The following SUMF1 variants were observed in gnomAD, a reference collection of about 807,000 sequenced individuals.
SUMF1 encodes formylglycine-generating enzyme.
In SUMF1, 48 loss-of-function variants were observed where a neutral mutation model predicts 47.6. That is an observed-to-expected ratio of 1.01 (90% CI 0.80 to 1.28). The LOEUF (loss-of-function observed/expected upper bound fraction) is 1.28, where lower values mean the gene tolerates loss of function less well. Ranked by LOEUF, SUMF1 falls within the 50% of genes most tolerant of loss-of-function variation. SUMF1 has a pLI of 0.00. For synonymous variants in SUMF1, 230 were observed against 192.1 expected (o/e 1.20, Z -1.63); for missense variants, 571 against 485.4 (o/e 1.18, Z -1.66).
rs367872667 is a variant in SUMF1, at chr3:4,267,231, T to G, written c.1014+109099A>C. Among the ~76,000 whole-genome samples, 140 of 152,318 alleles carry G rather than the reference T, an allele frequency of 9.2e-4. 1 individual carries two copies. Among genetic ancestry groups the G allele is most frequent in the Admixed American group, 5.4e-3 (82 of 15,308 alleles). ...CCCGGCTTTGGTATCAGAATGATGCTGGCCTCATAAAATGAGTTAGGGAGG... is the reference window on the plus strand; with the variant it reads ...CCCGGCTTTGGTATCAGAATGATGCGGGCCTCATAAAATGAGTTAGGGAGG... On this transcript the variant is annotated intron_variant and NMD_transcript_variant, in intron 8 of 12. Transcript: ENST00000448413.
chr3:4,235,032 G>C (rs559497639), intron 8 of SUMF1, among the ~76,000 whole-genome samples: 1 of 152,104 alleles, frequency 6.6e-6, no homozygotes, highest in African/African-American at 2.4e-5. Context: ...GCTGCAGTTG[G>C]GTGAATAAAT....
chr3:4,222,935 C>T (rs184465799), intron 8 of SUMF1, among the ~76,000 whole-genome samples: 10 of 152,170 alleles, frequency 6.6e-5, no homozygotes, highest in Non-Finnish European at 1.3e-4. Context: ...AGAGTGGTTT[C>T]TTCCACTGCA....
At chr3:4,396,826 A>C (rs963507182) in intron 7 of SUMF1, among the ~76,000 whole-genome samples, 1 of 152,202 alleles carries the variant, frequency 6.6e-6, no homozygotes, top group Non-Finnish European at 1.5e-5. Context: ...GAGAATGATT[A>C]ATTCTCTGAC....
rs560494584 is a variant in SUMF1, at chr3:4,228,498, A to G, written c.1014+147832T>C. 1.5e-4 allele frequency among the ~76,000 whole-genome samples: 23 copies of G among 152,230 alleles called. 1 individual carries two copies. The East Asian group carries it at 4.1e-3, about 27-fold the overall frequency. On this transcript the variant is annotated intron_variant and NMD_transcript_variant, in intron 8 of 12. Coordinates refer to the SUMF1 transcript ENST00000448413. ...ATGGAAAGCAGCCCCCGTGGGGCCA[A>G]TTAGAACCAACTCTGACTAATAGCA... is the stretch of plus-strand genomic sequence containing the variant.
chr3:4,208,621 C>A (rs80353886), intron 8 of SUMF1, among the ~76,000 whole-genome samples: 1 of 151,594 alleles, frequency 6.6e-6, no homozygotes, highest in East Asian at 1.9e-4. Flanking sequence ...AGCGGAGAGA[C>A]GAAAATTCTA....
chr3:4,093,828 G>C (rs1012176112), intron 8 of SUMF1, among the ~76,000 whole-genome samples: 1 of 151,998 alleles, frequency 6.6e-6, no homozygotes, highest in African/African-American at 2.4e-5. Flanking sequence ...TTAATGAAGG[G>C]CCTTAAATGC....
At chr3:4,171,110 A>T (rs1350931118) in intron 8 of SUMF1, among the ~76,000 whole-genome samples, 1 of 152,188 alleles carries the variant, frequency 6.6e-6, no homozygotes, top group East Asian at 1.9e-4. Flanking sequence ...CGATGCCCTT[A>T]AGGAGAGAGG....
chr3:4,229,335 G>C (rs1696247661), intron 8 of SUMF1: 2 of 413,946 alleles, frequency 4.8e-6, no homozygotes, highest in South Asian at 3.5e-5. Flanking sequence ...GTGAGCCTTT[G>C]ATAATCCACC....
chr3:4,453,075 A>G, intron 1 of SUMF1, 26 bp from the exon 2 acceptor site: 2 of 1,603,058 alleles, frequency 1.2e-6, no homozygotes, highest in South Asian at 1.1e-5. Flanking sequence ...AAACACAGGA[A>G]GTCATGCATC....
chr3:4,362,367 T>C (rs758649851), intron 8 of SUMF1, 113 bp from the exon 9 acceptor site: 20 of 829,032 alleles, frequency 2.4e-5, no homozygotes, highest in Non-Finnish European at 3.7e-5. Context: ...CAACCCTGCC[T>C]GTATGGATAC....
intron 8 of SUMF1, among the ~76,000 whole-genome samples, chr3:4,121,380 G>A (rs1019804008): frequency 6.6e-6 from 1 of 152,066 alleles, no homozygotes; most frequent in Non-Finnish European, 1.5e-5. Flanking sequence ...ATTATTCTTG[G>A]ATCTCACTTC....
At chr3:4,163,909 T>C (rs961114529) in intron 8 of SUMF1, among the ~76,000 whole-genome samples, 1 of 152,140 alleles carries the variant, frequency 6.6e-6, no homozygotes, top group Non-Finnish European at 1.5e-5. Context: ...TCTACAGCCC[T>C]GCCCTGGAAC....
rs181154709 is a variant in SUMF1, at chr3:4,169,964, C to T, written c.1015-101219G>A. 1.1e-4 allele frequency among the ~76,000 whole-genome samples: 16 copies of T among 152,138 alleles called. No homozygotes were observed. In the East Asian group the frequency reaches 2.9e-3, roughly 28 times the overall value. ...AAAGAGGTTCTAAAATGATGTAGAA[C>T]ATAGATTTTCAATAAGAATGAGACA... On this transcript the variant is annotated intron_variant and NMD_transcript_variant, in intron 8 of 12. Coordinates refer to the SUMF1 transcript ENST00000448413.
chr3:4,183,702 G>C (rs1269149289), intron 8 of SUMF1, among the ~76,000 whole-genome samples: 2 of 152,108 alleles, frequency 1.3e-5, no homozygotes, highest in East Asian at 1.9e-4. Flanking sequence ...ATCAATATCA[G>C]TATGATTTTC....
intron 6 of SUMF1, chr3:4,414,666 T>G (rs1217304242): frequency 6.6e-6 from 1 of 152,240 alleles, no homozygotes; most frequent in Non-Finnish European, 1.5e-5. Flanking sequence ...TGGCAACTTC[T>G]TCAGGTCAAT....
rs770091674 is a variant in SUMF1 at position 4,335,960 on chromosome 3, C to CAAAAAAAAAA, written c.1014+40360_1014+40369dup. Among the ~76,000 whole-genome samples the CAAAAAAAAAA allele has an allele frequency of 6.5e-3, 477 of 73,792 alleles. 25 individuals are homozygous for CAAAAAAAAAA. Among genetic ancestry groups the CAAAAAAAAAA allele is most frequent in the African/African-American group, 0.019 (267 of 14,074 alleles). 48.4% of individuals were successfully genotyped at this position (73,792 alleles called of 152,430 possible). ...TGGACAACTGAGTGAGATTCCAACT[C>CAAAAAAAAAA]AAAAAAAAAAAAAAAAAAAACAGAA... On this transcript the variant is annotated intron_variant and NMD_transcript_variant, in intron 8 of 12. Transcript: ENST00000448413.
intron 9 of SUMF1, among the ~76,000 whole-genome samples, chr3:4,036,862 A>T (rs935429988): frequency 9.3e-5 from 14 of 149,746 alleles, no homozygotes; most frequent in Admixed American, 7.3e-4. Context: ...AAAAAAAAAA[A>T]AAAAAAAAAA....
intron 7 of SUMF1, among the ~76,000 whole-genome samples, chr3:4,382,405 T>C (rs1404439344): frequency 1.3e-5 from 2 of 151,910 alleles, no homozygotes; most frequent in Non-Finnish European, 2.9e-5. Flanking sequence ...TAAACAAAGA[T>C]TGTAGGAAAT....
At chr3:4,249,906 G>A (rs1398136984) in intron 8 of SUMF1, among the ~76,000 whole-genome samples, 4 of 152,182 alleles carry the variant, frequency 2.6e-5, no homozygotes, top group African/African-American at 9.7e-5. Flanking sequence ...CATTGGGCCA[G>A]GGGCAGTGGC....
Sources: allele counts gnomAD v4.1 joint callset (sites outside exome capture counted in the v4.1 genomes callset), GRCh38; gene constraint gnomAD v4.1.1; transcripts MANE v1.5; gene names NCBI Gene and HGNC (gene_info 2026-07-23, HGNC 2026-07-21).